The following HNRNPM variants were observed in gnomAD, a reference collection of about 807,000 sequenced individuals.
The protein encoded by HNRNPM is heterogeneous nuclear ribonucleoprotein M.
HNRNPM carries 11 observed loss-of-function variants against 73.1 expected under a neutral mutation model. The observed-to-expected ratio is 0.15, with a 90% confidence interval of 0.09 to 0.25. The LOEUF (loss-of-function observed/expected upper bound fraction) is 0.25. HNRNPM is among the 10% of genes least tolerant of loss of function. The pLI, the probability that HNRNPM is intolerant of heterozygous loss-of-function variation, is 1.00. For synonymous variants in HNRNPM, 407 were observed against 355.2 expected, an observed-to-expected ratio of 1.15 and a Z score of -1.64; for missense variants, 789 against 1,067.9, an observed-to-expected ratio of 0.74 and a Z score of 3.64.
chr19:8,453,934 C>T (rs747717338), intron 1 of HNRNPM, among the ~76,000 whole-genome samples: 5 of 152,142 alleles, frequency 3.3e-5, no homozygotes, highest in African/African-American at 4.8e-5. Flanking sequence ...ATGGGAAGGC[C>T]GTGCCAGAAA....
Position 8,488,917 on chromosome 19 carries a change from T to A in HNRNPM, c.*63T>A. On this transcript the variant is annotated 3_prime_UTR_variant, in exon 16 of 16. Transcript: ENST00000325495. ...AATTTGTATTTTTTCTTGTTAACCA[T>A]TTTAATTTGTTGGCTGGATGTATAA... 1 of 1,412,560 alleles carries A rather than the reference T, an allele frequency of 7.1e-7. No individual in the cohort carries two copies. The highest frequency in any genetic ancestry group is 9.7e-7 in the Non-Finnish European group (1 of 1,034,256). The allele number at this position is 1,412,560 out of a possible 1,614,324, so 87.5% of individuals were successfully genotyped here. A position where few individuals can be genotyped will look rare whatever the true frequency, so the allele number is the denominator to read the frequency against.
chr19:8,457,756 G>A (rs1464053494), intron 2 of HNRNPM, among the ~76,000 whole-genome samples: 2 of 152,108 alleles, frequency 1.3e-5, no homozygotes, highest in South Asian at 2.1e-4. Flanking sequence ...TCCCGTTTTG[G>A]TGTACAAAAA....
chr19:8,478,197 TA>T (rs1970651831), intron 12 of HNRNPM, among the ~76,000 whole-genome samples: 1 of 152,178 alleles, frequency 6.6e-6, no homozygotes, highest in Non-Finnish European at 1.5e-5. Context: ...TTGATGGACT[TA>T]TGTTAGGTAG....
In HNRNPM at chr19:8,453,227, C is replaced by T. The variant is rs553416966; in HGVS notation, c.114-2178C>T. ...TGCGGTCTCAGCTCACTGCAACCTC[C>T]GCCCCCCGGGTTCAAGCGATTCTCC... On this transcript the variant is annotated intron_variant, in intron 1 of 15. Coordinates refer to ENST00000325495, the MANE Select transcript of HNRNPM (RefSeq NM_005968.5). Among the ~76,000 whole-genome samples, 48 of 152,134 alleles carry T rather than the reference C, an allele frequency of 3.2e-4. 1 individual carries two copies. The South Asian group carries it at 5.4e-3, about 17-fold the overall frequency.
intron 9 of HNRNPM, among the ~76,000 whole-genome samples, chr19:8,469,671 T>C (rs1191109206): frequency 6.6e-6 from 1 of 152,204 alleles, no homozygotes. Flanking sequence ...CCTCAGTGCA[T>C]ACAGCGGTGG....
rs1001798753 is a variant in HNRNPM at position 8,466,011 on chromosome 19, T to C, written c.631-224T>C. 1.2e-4 allele frequency among the ~76,000 whole-genome samples: 18 copies of C among 152,282 alleles called. 1 individual carries two copies. In the South Asian group the frequency reaches 2.9e-3, roughly 25 times the overall value. On this transcript the variant is annotated intron_variant, in intron 6 of 15. Coordinates refer to ENST00000325495, the MANE Select transcript of HNRNPM (RefSeq NM_005968.5). ...AATTTGAAGTATGAGGTGACTTAAG[T>C]TTCTGAGAAAAGAGACAATATATTT...
Position 8,486,428 on chromosome 19 carries a change from C to T in HNRNPM, c.1977+23C>T, listed in dbSNP as rs745966706. ...AATGTAAGTGGCTCTTGGGGAACTTCTTGGTGGTGGTGAGCATGAGGGGAC... is the reference window on the plus strand; with the variant it reads ...AATGTAAGTGGCTCTTGGGGAACTTTTTGGTGGTGGTGAGCATGAGGGGAC... On this transcript the variant is annotated intron_variant, in intron 14 of 15. Coordinates refer to ENST00000325495, the MANE Select transcript of HNRNPM (RefSeq NM_005968.5). The T allele has an allele frequency of 4.6e-6, 7 of 1,536,600 alleles. No homozygotes were observed. In the African/African-American group the frequency reaches 9.7e-5, roughly 21 times the overall value.
At chr19:8,455,099 C>T (rs574736584) in intron 1 of HNRNPM, among the ~76,000 whole-genome samples, 1 of 152,192 alleles carries the variant, frequency 6.6e-6, no homozygotes. Context: ...CTCACCCTCC[C>T]TACTAGCTAG....
chr19:8,471,773 A>G (rs1416652436), intron 10 of HNRNPM, among the ~76,000 whole-genome samples: 2 of 152,178 alleles, frequency 1.3e-5, no homozygotes, highest in Non-Finnish European at 2.9e-5. Flanking sequence ...CCACGGGACC[A>G]TAGCACTGCC....
At chr19:8,457,082 T>C (rs1270399218) in intron 2 of HNRNPM, among the ~76,000 whole-genome samples, 4 of 152,214 alleles carry the variant, frequency 2.6e-5, no homozygotes, top group Non-Finnish European at 5.9e-5. Flanking sequence ...TTTCCATTGA[T>C]AATAAGGTAT....
Position 8,486,120 on chromosome 19 carries a change from G to A in HNRNPM, c.1692G>A (p.Glu564=), listed in dbSNP as rs141006700. The change falls in exon 14 of 16, where the codon GAG becomes GAA. Residue 564 remains glutamate (E), a synonymous_variant. Coordinates refer to ENST00000325495, the MANE Select transcript of HNRNPM (RefSeq NM_005968.5). ...AGCGCATGGGCGCCAACAATCTGGAGCGGATGGGCCTGGAGCGCATGGGCG... is the reference window on the plus strand; with the variant it reads ...AGCGCATGGGCGCCAACAATCTGGAACGGATGGGCCTGGAGCGCATGGGCG... ...GLERMGANNL[E]RMGLERMGAN... 122 of 1,606,244 alleles carry A rather than the reference G, an allele frequency of 7.6e-5. No individual in the cohort carries two copies. In the African/African-American group the frequency reaches 1.4e-3, roughly 19 times the overall value.
intron 13 of HNRNPM, among the ~76,000 whole-genome samples, chr19:8,483,426 C>T (rs1440103429): frequency 6.6e-6 from 1 of 152,202 alleles, no homozygotes; most frequent in Non-Finnish European, 1.5e-5. Flanking sequence ...ATAGTACCTG[C>T]CTCAGGGATG....
At chr19:8,466,972 G>A (rs1041166781) in intron 7 of HNRNPM, among the ~76,000 whole-genome samples, 1 of 152,100 alleles carries the variant, frequency 6.6e-6, no homozygotes, top group Non-Finnish European at 1.5e-5. Context: ...GTTTGAAGGA[G>A]GAAGTCCAAA....
At chr19:8,482,233 A>G (rs1970970786) in intron 12 of HNRNPM, among the ~76,000 whole-genome samples, 1 of 152,198 alleles carries the variant, frequency 6.6e-6, no homozygotes, top group African/African-American at 2.4e-5. Flanking sequence ...CTGGGATTAC[A>G]GGCATGAGCT....
chr19:8,464,248 T>A (rs199738166), intron 5 of HNRNPM, among the ~76,000 whole-genome samples: 1 of 151,974 alleles, frequency 6.6e-6, no homozygotes, highest in African/African-American at 2.4e-5. Context: ...GTCTAAAAAA[T>A]AAAAAAATAA....
In HNRNPM at chr19:8,465,314, C is replaced by T; in HGVS notation, c.439-10C>T. On this transcript the variant is annotated splice_polypyrimidine_tract_variant and intron_variant, in intron 5 of 15. Coordinates refer to ENST00000325495, the MANE Select transcript of HNRNPM (RefSeq NM_005968.5). Reference sequence around the variant, plus strand: ...TCAGTTAAACGTAACACCTTTTGTGCTTGTTTTAGGATCCTGATGGTGAAC... The same window carrying T: ...TCAGTTAAACGTAACACCTTTTGTGTTTGTTTTAGGATCCTGATGGTGAAC... 2 of 1,593,874 alleles carry T rather than the reference C, an allele frequency of 1.3e-6. No individual in the cohort carries two copies. Among genetic ancestry groups the T allele is most frequent in the South Asian group, 2.3e-5 (2 of 88,234 alleles).
chr19:8,463,945 A>G, intron 5 of HNRNPM: 2 of 418,590 alleles, frequency 4.8e-6, no homozygotes, highest in South Asian at 6.6e-5. Context: ...TGTCTCAGGG[A>G]CTCTCAAACC....
At chr19:8,483,111 G>A (rs373036207) in intron 12 of HNRNPM, 47 bp from the exon 13 acceptor site, 32 of 1,198,850 alleles carry the variant, frequency 2.7e-5, no homozygotes, top group Non-Finnish European at 3.8e-5. Flanking sequence ...CATTTCTATT[G>A]CCATAGAGGA....
Position 8,485,853 on chromosome 19 carries a change from C to T in HNRNPM, c.1425C>T (p.Thr475=), listed in dbSNP as rs1568303346. 2.5e-6 allele frequency: 4 copies of T among 1,603,670 alleles called. No homozygotes were observed. Among genetic ancestry groups the T allele is most frequent in the Non-Finnish European group, 3.4e-6 (4 of 1,179,590 alleles). The part of the protein sequence containing the change: ...MASSIERMGQ[T]MERIGSGVER... ...CCAGCATTGAGCGCATGGGCCAGAC[C>T]ATGGAGCGCATTGGCTCTGGCGTGG... The change falls in exon 14 of 16, where the codon ACC becomes ACT. Residue 475 remains threonine, a synonymous_variant. Transcript: ENST00000325495.
Sources: gnomAD v4.1 joint callset for allele counts (sites outside exome capture counted in the v4.1 genomes callset) on GRCh38, gnomAD v4.1.1 for gene constraint, MANE v1.5 for transcripts, NCBI Gene and HGNC (gene_info 2026-07-23, HGNC 2026-07-21) for gene names.